The following TENM3 variants were observed in gnomAD, a reference collection of about 807,000 sequenced individuals.
TENM3 encodes teneurin transmembrane protein 3.
A neutral mutation model predicts 255.1 loss-of-function variants in TENM3; 63 were observed. The observed-to-expected ratio is 0.25, with a 90% CI of 0.20 to 0.30. The LOEUF is 0.30. Among genes scored for constraint, TENM3 ranks in the 10% least tolerant of loss-of-function variants. The probability of loss-of-function intolerance (pLI) is 1.00; values close to 1 mark genes in which losing one functional copy is unlikely to be tolerated. For synonymous variants in TENM3, 1,306 were observed against 1,322.3 expected, an observed-to-expected ratio of 0.99 and a Z score of 0.27; for missense variants, 2,929 against 3,461.1, an observed-to-expected ratio of 0.85 and a Z score of 3.86.
chr4:181,821,135 C>G, the TENM3 span, among the ~76,000 whole-genome samples: 1 of 152,182 alleles, frequency 6.6e-6, no homozygotes, highest in South Asian at 2.1e-4. Context: ...TAGCCACCTT[C>G]TCATTTTGCA....
intron 1 of TENM3, among the ~76,000 whole-genome samples, chr4:182,308,841 T>C (rs950129637): frequency 5.9e-5 from 9 of 152,336 alleles, no homozygotes; most frequent in Non-Finnish European, 1.0e-4. Context: ...TGTGAGCCTA[T>C]ACCTAGTCAA....
chr4:182,704,577 C>T (rs990786854), intron 12 of TENM3, among the ~76,000 whole-genome samples: 3 of 152,114 alleles, frequency 2.0e-5, no homozygotes, highest in Non-Finnish European at 2.9e-5. Context: ...TTATTTCTCT[C>T]GTTTGGAATG....
chr4:182,239,019 CTT>C (rs1757066440), upstream of TENM3, among the ~76,000 whole-genome samples: 1 of 146,806 alleles, frequency 6.8e-6, no homozygotes, highest in Non-Finnish European at 1.5e-5. Flanking sequence ...TATTCTTAGA[CTT>C]TAAAAATCTT....
At chr4:181,896,019 G>C in the TENM3 span, among the ~76,000 whole-genome samples, 2 of 152,214 alleles carry the variant, frequency 1.3e-5, no homozygotes, top group East Asian at 3.9e-4. Context: ...CCTGCTAATT[G>C]CTTTCTCTAC....
chr4:181,955,070 A>G, the TENM3 span, among the ~76,000 whole-genome samples: 2 of 152,208 alleles, frequency 1.3e-5, no homozygotes, highest in African/African-American at 2.4e-5. Context: ...CAACATTGCA[A>G]TAAATATTAC....
the TENM3 span, among the ~76,000 whole-genome samples, chr4:181,641,554 G>GTATATATATATATATATATATATA: frequency 3.7e-5 from 1 of 26,910 alleles, no homozygotes; most frequent in African/African-American, 1.6e-4. Flanking sequence ...TGGTGTGTGT[G>GTATATATATATATATATATATATA]TATATATATA....
chr4:182,776,792 G>T (rs887937340), intron 24 of TENM3, among the ~76,000 whole-genome samples: 38 of 152,212 alleles, frequency 2.5e-4, no homozygotes, highest in African/African-American at 8.7e-4. Flanking sequence ...GTGCACACAG[G>T]CATGGGTGTT....
At chr4:181,899,324 A>G in the TENM3 span, among the ~76,000 whole-genome samples, 1 of 152,128 alleles carries the variant, frequency 6.6e-6, no homozygotes, top group Non-Finnish European at 1.5e-5. Flanking sequence ...TTTATCCTTA[A>G]GACTTAGGTA....
At chr4:182,455,917 C>G (rs536693783) in intron 3 of TENM3, among the ~76,000 whole-genome samples, 2 of 152,242 alleles carry the variant, frequency 1.3e-5, no homozygotes, top group South Asian at 2.1e-4. Context: ...GCACCTGATT[C>G]TTATTTCTGT....
the TENM3 span, among the ~76,000 whole-genome samples, chr4:181,913,603 G>A: frequency 5.3e-5 from 8 of 152,066 alleles, no homozygotes; most frequent in Non-Finnish European, 8.8e-5. Context: ...TAGTTTTGGC[G>A]GGAGGGACAG....
the TENM3 span, among the ~76,000 whole-genome samples, chr4:181,491,089 G>A: frequency 6.6e-6 from 1 of 151,290 alleles, no homozygotes; most frequent in Non-Finnish European, 1.5e-5. Flanking sequence ...CGTGATTTAC[G>A]AATGCCTAAA....
intron 3 of TENM3, among the ~76,000 whole-genome samples, chr4:182,425,654 ATATATTGCCCTC>A (rs1295524014): frequency 1.2e-4 from 18 of 152,284 alleles, no homozygotes; most frequent in African/African-American, 4.3e-4. Flanking sequence ...TTGTATCAAA[ATATATTGCCCTC>A]TTTCGCAGAA....
the TENM3 span, among the ~76,000 whole-genome samples, chr4:181,916,331 G>A: frequency 6.6e-6 from 1 of 152,086 alleles, no homozygotes; most frequent in African/African-American, 2.4e-5. Flanking sequence ...CTTGTTTAAT[G>A]CCCATCTGCA....
rs140550418 is a variant in TENM3, at chr4:182,375,772, G to A, written c.511+28843G>A. ...TTGGCCAGGCTGGTCTCAAACTCCT[G>A]ACCTCAGGTGATCCACCTGCCTCAG... On this transcript the variant is annotated intron_variant, in intron 3 of 27. Coordinates refer to ENST00000511685, the MANE Select transcript of TENM3 (RefSeq NM_001080477.4). 6.8e-4 allele frequency among the ~76,000 whole-genome samples: 104 copies of A among 152,216 alleles called. 1 individual carries two copies. In the East Asian group the frequency reaches 0.017, roughly 25 times the overall value.
chr4:182,357,836 T>C (rs963229800), intron 3 of TENM3, among the ~76,000 whole-genome samples: 1 of 151,770 alleles, frequency 6.6e-6, no homozygotes, highest in African/African-American at 2.4e-5. Context: ...TCTTCTAGGG[T>C]TTTTATGGTT....
At chr4:182,680,202 A>G (rs752763717) in intron 8 of TENM3, 46 bp from the exon 9 acceptor site, 2 of 1,355,842 alleles carry the variant, frequency 1.5e-6, no homozygotes, top group Non-Finnish European at 1.1e-6. Context: ...ATCTTTTGCA[A>G]GAGGCAGGCT....
At chr4:182,526,298 T>C (rs1245967123) in intron 3 of TENM3, among the ~76,000 whole-genome samples, 1 of 152,072 alleles carries the variant, frequency 6.6e-6, no homozygotes, top group Non-Finnish European at 1.5e-5. Context: ...CGCTTTCTTA[T>C]GTATCTCGTA....
At chr4:181,819,268 G>A in the TENM3 span, among the ~76,000 whole-genome samples, 11 of 151,550 alleles carry the variant, frequency 7.3e-5, no homozygotes, top group South Asian at 4.2e-4. Flanking sequence ...CCCCCCAATC[G>A]GCCTAGTCCC....
chr4:182,489,862 T>C (rs200001305), intron 3 of TENM3, among the ~76,000 whole-genome samples: 14 of 65,186 alleles, frequency 2.1e-4, no homozygotes, highest in South Asian at 9.0e-4. Context: ...TTTCTTCCCT[T>C]CCTCCCTTCC....
Sources: allele counts gnomAD v4.1 joint callset (sites outside exome capture counted in the v4.1 genomes callset), GRCh38; gene constraint gnomAD v4.1.1; transcripts MANE v1.5; gene names NCBI Gene and HGNC (gene_info 2026-07-23, HGNC 2026-07-21).